The following POP5 variants were observed in gnomAD, a reference collection of about 807,000 sequenced individuals.
The protein encoded by POP5 is POP5 ribonuclease P/MRP subunit.
Under a neutral mutation model 20.7 loss-of-function variants are expected in POP5, and 18 were observed. That is an observed-to-expected ratio of 0.87 (90% confidence interval 0.60 to 1.29). The LOEUF (loss-of-function observed/expected upper bound fraction) is 1.29. Ranked by LOEUF, POP5 falls within the 50% of genes most tolerant of loss-of-function variation. The probability of loss-of-function intolerance (pLI) is 0.00; values close to 1 mark genes in which losing one functional copy is unlikely to be tolerated. For synonymous variants in POP5, 91 were observed against 78.0 expected (o/e 1.17, Z -0.88); for missense variants, 200 against 203.2 (o/e 0.98, Z 0.10).
chr12:120,581,226 G>A lies in POP5; in HGVS notation c.52C>T (p.Pro18Ser). Reference sequence around the variant, plus strand: ...TCATCGAGGCTTAGGCGGCAGCGGGGGTCGTCAGACACCAGTTCGCAGAGC... The same window carrying A: ...TCATCGAGGCTTAGGCGGCAGCGGGAGTCGTCAGACACCAGTTCGCAGAGC... ...YLLCELVSDD[P>S]RCRLSLDDRV... Residue 18 changes from proline to serine, a missense_variant, in exon 2 of 5, where the codon CCC becomes TCC. Coordinates refer to ENST00000357500, the MANE Select transcript of POP5 (RefSeq NM_015918.4). The A allele has an allele frequency of 1.2e-6, 2 of 1,614,206 alleles. No individual in the cohort carries two copies. The highest frequency in any genetic ancestry group is 8.5e-7 in the Non-Finnish European group (1 of 1,180,044).
At chr12:120,580,661 CTG>C (rs1170946831) in intron 2 of POP5, 1 of 164,094 alleles carries the variant, frequency 6.1e-6, no homozygotes, top group African/African-American at 2.4e-5. Context: ...AAGGGCCCCT[CTG>C]TCCTAGCTCA....
At position 120,581,030 on chromosome 12, in the gene POP5, T is replaced by C. The variant is rs1310408105; in HGVS notation, c.163+85A>G. Reference sequence around the variant, plus strand: ...AACGGTGCACGGGCTTGGCCACTCGTGCCCCTTCTTTCTTCCTCCGGCGCC... The same window carrying C: ...AACGGTGCACGGGCTTGGCCACTCGCGCCCCTTCTTTCTTCCTCCGGCGCC... On this transcript the variant is annotated intron_variant, in intron 2 of 4. Coordinates refer to ENST00000357500, the MANE Select transcript of POP5 (RefSeq NM_015918.4). 1.9e-6 allele frequency: 3 copies of C among 1,556,158 alleles called. No individual in the cohort carries two copies. The African/African-American group carries it at 4.1e-5, about 21-fold the overall frequency.
At chr12:120,580,630 C>CTT (rs1877814026) in intron 2 of POP5, 1 of 160,116 alleles carries the variant, frequency 6.2e-6, no homozygotes, top group African/African-American at 2.4e-5. Flanking sequence ...AAAGTGGGAA[C>CTT]TAATTTAAGT....
Position 120,579,050 on chromosome 12 carries a change from C to T in POP5, c.*268G>A, listed in dbSNP as rs1292934674. The T allele has an allele frequency of 5.9e-6, 3 of 506,634 alleles. No homozygotes were observed. Among genetic ancestry groups the T allele is most frequent in the South Asian group, 2.3e-5 (1 of 43,512 alleles). 31.4% of individuals were successfully genotyped at this position (506,634 alleles called of 1,614,324 possible). Reference sequence around the variant, plus strand: ...TGTAATATAAGTATGCTAAATGCCACGGAAACCAGATACATTTATTAAATC... The same window carrying T: ...TGTAATATAAGTATGCTAAATGCCATGGAAACCAGATACATTTATTAAATC... On this transcript the variant is annotated 3_prime_UTR_variant, in exon 5 of 5. Coordinates refer to ENST00000357500, the MANE Select transcript of POP5 (RefSeq NM_015918.4).
At position 120,581,239 on chromosome 12, in the gene POP5, C is replaced by A; in HGVS notation, c.39G>T (p.Leu13=). ...RFKHRYLLCE[L]VSDDPRCRLS... ...GGCGGCAGCGGGGGTCGTCAGACAC[C>A]AGTTCGCAGAGCAGGTACCTGCGGC... The change falls in exon 2 of 5, where the codon CTG becomes CTT. Residue 13 remains leucine (L), a synonymous_variant. Transcript: ENST00000357500. 6.2e-7 allele frequency: 1 copy of A among 1,614,178 alleles called. No homozygotes were observed. Among genetic ancestry groups the A allele is most frequent in the Non-Finnish European group, 8.5e-7 (1 of 1,180,028 alleles).
At chr12:120,580,745 C>G (rs1171360869) in intron 2 of POP5, 1 of 243,290 alleles carries the variant, frequency 4.1e-6, no homozygotes. Context: ...TCCCGGAGTA[C>G]TTTTGACAAT....
At chr12:120,579,964 CT>C in intron 2 of POP5, 41 bp from the exon 3 acceptor site, 1 of 1,588,482 alleles carries the variant, frequency 6.3e-7, no homozygotes, top group South Asian at 1.1e-5. Context: ...AACTTTTGCT[CT>C]GTGTGGTGGC....
rs758136679 is a variant in POP5, at chr12:120,579,350, A to ACTC, written c.457_459dup (p.Glu153dup). On this transcript the variant is annotated inframe_insertion, in exon 5 of 5. Transcript: ENST00000357500. ...ATTGCTTCTGCAGCCTCCTCACCTG[A>ACTC]CTCCTCCTCCTCCTCTAATAAGCAG... The ACTC allele has an allele frequency of 6.3e-6, 10 of 1,593,134 alleles. No homozygotes were observed. Among genetic ancestry groups the ACTC allele is most frequent in the African/African-American group, 1.3e-5 (1 of 74,424 alleles).
At position 120,580,944 on chromosome 12, in the gene POP5, G is replaced by A. The variant is rs897212874; in HGVS notation, c.163+171C>T. On this transcript the variant is annotated intron_variant, in intron 2 of 4. Coordinates refer to ENST00000357500, the MANE Select transcript of POP5 (RefSeq NM_015918.4). ...CTGCCTTCGGGCCCCTCCTTTTAGC[G>A]CTCTGCTAATTTCGGACTCTCGCTT... 4 of 1,057,562 alleles carry A rather than the reference G, an allele frequency of 3.8e-6. No individual in the cohort carries two copies. In the African/African-American group the frequency reaches 4.8e-5, roughly 13 times the overall value. The allele number at this position is 1,057,562 out of a possible 1,614,324, so 65.5% of individuals were successfully genotyped here. A position where few individuals can be genotyped will look rare whatever the true frequency, so the allele number is the denominator to read the frequency against.
At position 120,579,889 on chromosome 12, in the gene POP5, T is replaced by C; in HGVS notation, c.198A>G (p.Leu66=). ...RYLNAYTGIV[L]LRCRKEFYQL... is the part of the protein sequence containing the mutation. Reference sequence around the variant, plus strand: ...GATAGAATTCTTTTCTGCATCGAAGTAGCACTATTCCAGTATAGGCATTGA... The same window carrying C: ...GATAGAATTCTTTTCTGCATCGAAGCAGCACTATTCCAGTATAGGCATTGA... The change falls in exon 3 of 5, where the codon CTA becomes CTG. Residue 66 remains leucine, a synonymous_variant. Coordinates refer to ENST00000357500, the MANE Select transcript of POP5 (RefSeq NM_015918.4). 6.2e-7 allele frequency: 1 copy of C among 1,613,176 alleles called. No homozygotes were observed. The highest frequency in any genetic ancestry group is 8.5e-7 in the Non-Finnish European group (1 of 1,179,126).
Position 120,581,089 on chromosome 12 carries a change from CCCCTCTTCCCCCAGCG to C in POP5, c.163+10_163+25del. On this transcript the variant is annotated intron_variant, in intron 2 of 4. Transcript: ENST00000357500. ...CCACATCCCGCCATCCTCCCGGGTTCCCCTCTTCCCCCAGCGCCCTTGCACCCGCGAAGCCGATGGA... is the reference window on the plus strand; with the variant it reads ...CCACATCCCGCCATCCTCCCGGGTTCCCCTTGCACCCGCGAAGCCGATGGA... The C allele has an allele frequency of 6.2e-7, 1 of 1,604,052 alleles. No homozygotes were observed. Among genetic ancestry groups the C allele is most frequent in the African/African-American group, 1.3e-5 (1 of 74,988 alleles).
Position 120,579,207 on chromosome 12 carries a change from A to T in POP5, c.*111T>A. The T allele has an allele frequency of 1.0e-6, 1 of 958,246 alleles. No individual in the cohort carries two copies. The highest frequency in any genetic ancestry group is 2.4e-5 in the East Asian group (1 of 41,426). 59.4% of individuals were successfully genotyped at this position (958,246 alleles called of 1,614,324 possible). A position where few individuals can be genotyped will look rare whatever the true frequency, so the allele number is the denominator to read the frequency against. On this transcript the variant is annotated 3_prime_UTR_variant, in exon 5 of 5. Coordinates refer to ENST00000357500, the MANE Select transcript of POP5 (RefSeq NM_015918.4). ...AAGTGGGTAATGTCTGCTGGTTGGC[A>T]GCTATCCAGTTTGGAAAACTGTGGA...
At chr12:120,580,676 C>T (rs1389027259) in intron 2 of POP5, 3 of 178,552 alleles carry the variant, frequency 1.7e-5, no homozygotes, top group Non-Finnish European at 2.4e-5. Context: ...CTAGCTCATC[C>T]TGTATTTACA....
Position 120,581,344 on chromosome 12 carries a change from T to C in POP5, c.19A>G (p.Arg7Gly). The C allele has an allele frequency of 6.2e-7, 1 of 1,613,752 alleles. No homozygotes were observed. Among genetic ancestry groups the C allele is most frequent in the South Asian group, 1.1e-5 (1 of 91,022 alleles). The change falls in exon 1 of 5, where the codon AGG (arginine) becomes GGG (glycine). Residue 7 changes from arginine (R) to glycine (G), a missense_variant and splice_region_variant. Transcript: ENST00000357500. The part of the protein sequence containing the change: MVRFKH[R>G]YLLCELVSDD... ...GAGGGTCTGGAAGGGAATGCTTACC[T>C]GTGCTTGAACCGCACCATGGCTGCC... is the stretch of plus-strand genomic sequence containing the variant.
chr12:120,581,294 C>T (rs895240929), intron 1 of POP5, 37 bp from the exon 2 acceptor site: 7 of 1,614,158 alleles, frequency 4.3e-6, no homozygotes, highest in Non-Finnish European at 5.9e-6. Flanking sequence ...ACTAGCGGGG[C>T]CGCGAGGACC....
intron 2 of POP5, 137 bp downstream of exon 2, chr12:120,580,978 A>C (rs1877832223): frequency 7.4e-7 from 1 of 1,358,558 alleles, no homozygotes; most frequent in South Asian, 1.4e-5. Context: ...TTGGGGTCCC[A>C]GGCGCTTAAA....
rs758741700 is a variant in POP5 at position 120,579,336 on chromosome 12, A to C, written c.474T>G (p.Ala158=). 1.2e-6 allele frequency: 2 copies of C among 1,614,064 alleles called. No homozygotes were observed. The highest frequency in any genetic ancestry group is 2.2e-5 in the East Asian group (1 of 44,904). ...LEEEEESGEE[A]AEAME ...CAGAGGTTCACTCCATTGCTTCTGC[A>C]GCCTCCTCACCTGACTCCTCCTCCT... Residue 158 remains alanine (A), a synonymous_variant, in exon 5 of 5, where the codon GCT becomes GCG. Coordinates refer to ENST00000357500, the MANE Select transcript of POP5 (RefSeq NM_015918.4).
rs776273333 is a variant in POP5 at position 120,579,606 on chromosome 12, T to A, written c.314-9A>T. ...ACATGTTCTTATTGTACCTGGCATATGAGTTACTGTGGTCAACAGCTTGTG... is the reference window on the plus strand; with the variant it reads ...ACATGTTCTTATTGTACCTGGCATAAGAGTTACTGTGGTCAACAGCTTGTG... On this transcript the variant is annotated splice_polypyrimidine_tract_variant and intron_variant, in intron 3 of 4. Transcript: ENST00000357500. 9 of 1,608,058 alleles carry A rather than the reference T, an allele frequency of 5.6e-6. No homozygotes were observed. Among genetic ancestry groups the A allele is most frequent in the Non-Finnish European group, 6.8e-6 (8 of 1,174,582 alleles).
intron 2 of POP5, 145 bp downstream of exon 2, chr12:120,580,970 G>A: frequency 1.5e-6 from 2 of 1,302,306 alleles, no homozygotes; most frequent in South Asian, 2.9e-5. Flanking sequence ...ACTCTCGCTT[G>A]GGGTCCCAGG....
Sources: allele counts gnomAD v4.1 joint callset, GRCh38; gene constraint gnomAD v4.1.1; transcripts MANE v1.5; gene names NCBI Gene and HGNC (gene_info 2026-07-23, HGNC 2026-07-21).